Variants in ABCC1 observed in about 807,000 individuals in gnomAD.
The protein encoded by ABCC1 is multidrug resistance-associated protein 1.
In ABCC1, 83 loss-of-function variants were observed where a neutral mutation model predicts 172.9. That is an observed-to-expected ratio of 0.48 (90% CI 0.40 to 0.58). The LOEUF (loss-of-function observed/expected upper bound fraction) is 0.58. Ranked by LOEUF, ABCC1 falls within the 20% of genes least tolerant of loss-of-function variation. The pLI is 0.00. For missense variants in ABCC1, 1,817 were observed against 2,002.7 expected (o/e 0.91, Z 1.77); for synonymous variants, 937 against 825.2 (o/e 1.14, Z -2.32).
chr16:16,128,982 G>A (rs549649576), intron 26 of ABCC1, among the ~76,000 whole-genome samples: 180 of 152,180 alleles, frequency 1.2e-3, no homozygotes, highest in African/African-American at 4.1e-3. Flanking sequence ...GTGACAGAGT[G>A]AGACTCTGTC....
intron 1 of ABCC1, among the ~76,000 whole-genome samples, chr16:15,972,723 A>T (rs1893048893): frequency 6.6e-6 from 1 of 152,048 alleles, no homozygotes. Context: ...TCTAGGAGGA[A>T]ACAGCAAGGG....
At chr16:15,968,183 C>T (rs577632316) in intron 1 of ABCC1, among the ~76,000 whole-genome samples, 1 of 152,142 alleles carries the variant, frequency 6.6e-6, no homozygotes, top group East Asian at 1.9e-4. Flanking sequence ...GTGTACCATG[C>T]ACCACCATGC....
At chr16:16,124,703 A>G in intron 24 of ABCC1, 86 bp from the exon 25 acceptor site, 1 of 1,582,312 alleles carries the variant, frequency 6.3e-7, no homozygotes, top group Non-Finnish European at 8.6e-7. Context: ...TTAGCAAAGA[A>G]TCCCCTTCCT....
intron 1 of ABCC1, among the ~76,000 whole-genome samples, chr16:15,978,214 T>A (rs527816699): frequency 4.1e-4 from 63 of 151,878 alleles, no homozygotes; most frequent in African/African-American, 1.5e-3. Context: ...TTAAAAAAAA[T>A]TTAGCTAGGT....
intron 1 of ABCC1, among the ~76,000 whole-genome samples, chr16:15,968,876 C>G (rs1184609708): frequency 6.6e-6 from 1 of 151,566 alleles, no homozygotes; most frequent in Non-Finnish European, 1.5e-5. Context: ...GTGCCCACCA[C>G]CATGCCCAGC....
At chr16:16,031,619 C>A (rs537129619) in intron 5 of ABCC1, among the ~76,000 whole-genome samples, 152 of 152,272 alleles carry the variant, frequency 1.0e-3, no homozygotes, top group African/African-American at 3.5e-3. Context: ...ACCATGCTTT[C>A]TTCTACCACC....
At chr16:15,957,347 A>C (rs984597521) in intron 1 of ABCC1, among the ~76,000 whole-genome samples, 1 of 151,350 alleles carries the variant, frequency 6.6e-6, no homozygotes, top group African/African-American at 2.4e-5. Flanking sequence ...TGGCCTCCCA[A>C]AGTGCTGGGA....
In ABCC1 at chr16:16,048,217, C is replaced by G. The variant is rs758867384; in HGVS notation, c.1294C>G (p.Gln432Glu). ...EIVNLMSVDA[Q>E]RFMDLATYIN... ...TGTCAACCTCATGTCTGTGGACGCTCAGAGGTTCATGGACTTGGCCACGTA... is the reference window on the plus strand; with the variant it reads ...TGTCAACCTCATGTCTGTGGACGCTGAGAGGTTCATGGACTTGGCCACGTA... Residue 432 changes from glutamine (Q) to glutamate (E), a missense_variant, in exon 10 of 31, where the codon CAG (glutamine) becomes GAG (glutamate). By Grantham distance (29) the Gln-to-Glu change is conservative. Transcript: ENST00000399410. 6.2e-7 allele frequency: 1 copy of G among 1,614,064 alleles called. No individual in the cohort carries two copies. Among genetic ancestry groups the G allele is most frequent in the Non-Finnish European group, 8.5e-7 (1 of 1,180,032 alleles).
intron 1 of ABCC1, among the ~76,000 whole-genome samples, chr16:15,972,314 C>T (rs745313468): frequency 2.0e-5 from 3 of 152,156 alleles, no homozygotes; most frequent in Non-Finnish European, 4.4e-5. Context: ...TTGCATCTGG[C>T]TTCAAGAAAC....
chr16:16,112,935 G>A (rs1424609430), intron 22 of ABCC1, among the ~76,000 whole-genome samples: 1 of 152,148 alleles, frequency 6.6e-6, no homozygotes, highest in Non-Finnish European at 1.5e-5. Flanking sequence ...TGGCAGAGAT[G>A]GGATTTGGCA....
At chr16:15,976,369 T>G (rs963861928) in intron 1 of ABCC1, among the ~76,000 whole-genome samples, 3 of 152,172 alleles carry the variant, frequency 2.0e-5, no homozygotes, top group Non-Finnish European at 2.9e-5. Flanking sequence ...GTGCTAATAA[T>G]GACTTAATGG....
intron 1 of ABCC1, among the ~76,000 whole-genome samples, chr16:16,004,043 G>T (rs2047426942): frequency 6.6e-6 from 1 of 151,774 alleles, no homozygotes; most frequent in African/African-American, 2.4e-5. Context: ...TGGATGGATG[G>T]GTTCATGGTT....
rs751753324 is a variant in ABCC1, at chr16:16,134,452, A to G, written c.4069A>G (p.Asn1357Asp). The change falls in exon 28 of 31, where the codon AAC (asparagine) becomes GAC (aspartate). Residue 1357 changes from asparagine (N) to aspartate (D), a missense_variant. Physicochemically the swap from Asn to Asp is conservative, Grantham distance 23 (BLOSUM62 1). This residue lies in a region of ABCC1 where 1,412 missense variants were observed against 1,600.3 expected (regional missense o/e 0.88). Transcript: ENST00000399410. ...AGGAGAGATCATCATCGATGGCATC[A>G]ACATCGCCAAGATCGGCCTGCACGA... is the stretch of plus-strand genomic sequence containing the variant. The part of the protein sequence containing the change: ...AEGEIIIDGI[N>D]IAKIGLHDLR... 6.2e-7 allele frequency: 1 copy of G among 1,614,166 alleles called. No individual in the cohort carries two copies. Among genetic ancestry groups the G allele is most frequent in the South Asian group, 1.1e-5 (1 of 91,078 alleles).
intron 24 of ABCC1, 58 bp from the exon 25 acceptor site, chr16:16,124,731 C>G (rs1310585818): frequency 6.2e-7 from 1 of 1,609,470 alleles, no homozygotes; most frequent in Non-Finnish European, 8.5e-7. Context: ...GAGCTGTAAG[C>G]CAAGTCTCTG....
At chr16:16,038,228 G>A (rs1444720770) in intron 7 of ABCC1, among the ~76,000 whole-genome samples, 1 of 152,148 alleles carries the variant, frequency 6.6e-6, no homozygotes, top group East Asian at 1.9e-4. Flanking sequence ...ATCTACTAGG[G>A]AAACTGGATC....
At position 16,112,155 on chromosome 16, in the gene ABCC1, C is replaced by G. The variant is rs972861283; in HGVS notation, c.3079+573C>G. On this transcript the variant is annotated intron_variant, in intron 22 of 30. Coordinates refer to ENST00000399410, the MANE Select transcript of ABCC1 (RefSeq NM_004996.4). Reference sequence around the variant, plus strand: ...TTGCTTGAGGCCAGATATTCGAGACCAGCCTGGGCAACATAGTGAGACCCT... The same window carrying G: ...TTGCTTGAGGCCAGATATTCGAGACGAGCCTGGGCAACATAGTGAGACCCT... 4.6e-5 allele frequency among the ~76,000 whole-genome samples: 7 copies of G among 151,968 alleles called. No individual in the cohort carries two copies. In the East Asian group the frequency reaches 9.6e-4, roughly 21 times the overall value.
intron 1 of ABCC1, among the ~76,000 whole-genome samples, chr16:15,990,584 G>A (rs531413353): frequency 3.3e-5 from 5 of 152,062 alleles, no homozygotes; most frequent in Admixed American, 6.5e-5. Context: ...TCGTCTTCCT[G>A]TGCCTGGCTT....
intron 19 of ABCC1, among the ~76,000 whole-genome samples, chr16:16,098,609 ACT>A (rs1415111830): frequency 6.6e-6 from 1 of 152,178 alleles, no homozygotes. Flanking sequence ...AAAGAGTGAA[ACT>A]CTGTCACAAA....
intron 20 of ABCC1, among the ~76,000 whole-genome samples, chr16:16,105,029 C>G (rs2052011856): frequency 6.6e-6 from 1 of 152,182 alleles, no homozygotes; most frequent in African/African-American, 2.4e-5. Context: ...TCCCCGCAAG[C>G]TGAGGGAGCC....
Sources: gnomAD v4.1 joint callset for allele counts (sites outside exome capture counted in the v4.1 genomes callset) on GRCh38, gnomAD v4.1.1 for gene constraint, gnomAD v4.1.1 regional missense constraint, MANE v1.5 for transcripts, NCBI Gene and HGNC (gene_info 2026-07-23, HGNC 2026-07-21) for gene names.